SUMF1: variants seen among roughly 807,000 people sequenced by gnomAD.
SUMF1 encodes formylglycine-generating enzyme.
Under a neutral mutation model 47.6 loss-of-function variants are expected in SUMF1, and 48 were observed. That is an observed-to-expected ratio of 1.01 (90% CI 0.80 to 1.28). SUMF1 has a LOEUF of 1.28. Among genes scored for constraint, SUMF1 ranks in the 50% most tolerant of loss-of-function variants. The pLI, the probability that SUMF1 is intolerant of heterozygous loss-of-function variation, is 0.00. For missense variants in SUMF1, 571 were observed against 485.4 expected, an observed-to-expected ratio of 1.18 and a Z score of -1.66; for synonymous variants, 230 against 192.1, an observed-to-expected ratio of 1.20 and a Z score of -1.63.
At chr3:4,037,528 T>G (rs1276221368) in intron 9 of SUMF1, among the ~76,000 whole-genome samples, 3 of 152,216 alleles carry the variant, frequency 2.0e-5, no homozygotes, top group Non-Finnish European at 4.4e-5. Flanking sequence ...TTTTTTATAC[T>G]GGCATTTTCA....
chr3:4,044,205 G>A (rs896017645), intron 9 of SUMF1, among the ~76,000 whole-genome samples: 4 of 152,158 alleles, frequency 2.6e-5, no homozygotes, highest in Admixed American at 2.0e-4. Flanking sequence ...GCACCCAAGA[G>A]CTGACATTCA....
chr3:4,289,068 C>T (rs1405693650), intron 8 of SUMF1, among the ~76,000 whole-genome samples: 1 of 152,194 alleles, frequency 6.6e-6, no homozygotes, highest in African/African-American at 2.4e-5. Flanking sequence ...GCAGTAATGC[C>T]ATCACATTCA....
At chr3:4,110,457 T>G (rs1276571508) in intron 8 of SUMF1, among the ~76,000 whole-genome samples, 1 of 151,994 alleles carries the variant, frequency 6.6e-6, no homozygotes, top group Non-Finnish European at 1.5e-5. Context: ...GATCTAGAAC[T>G]AGAAATACCA....
chr3:4,152,873 A>G lies in SUMF1; in HGVS notation c.1015-84128T>C, dbSNP rs574614046. On this transcript the variant is annotated intron_variant and NMD_transcript_variant, in intron 8 of 12. Transcript: ENST00000448413. Reference sequence around the variant, plus strand: ...GTTACTGATGGACTCATGGATAGACAGAAGAAAACATTTTCAGAATACCTT... The same window carrying G: ...GTTACTGATGGACTCATGGATAGACGGAAGAAAACATTTTCAGAATACCTT... 2.2e-3 allele frequency among the ~76,000 whole-genome samples: 336 copies of G among 151,668 alleles called. 16 individuals are homozygous for G. The highest frequency in any genetic ancestry group is 7.7e-3 in the African/African-American group (314 of 40,938).
rs1433333109 is a variant in SUMF1, at chr3:4,321,494, GAAAA to G, written c.1014+54832_1014+54835del. ...CTAAAAAAAAAAAAAAAAAAAAAAA[GAAAA>G]AGAAAGAAACCTACATTGATGGGGG... On this transcript the variant is annotated intron_variant and NMD_transcript_variant, in intron 8 of 12. Coordinates refer to the SUMF1 transcript ENST00000448413. Among the ~76,000 whole-genome samples the G allele has an allele frequency of 4.7e-5, 5 of 106,398 alleles. No homozygotes were observed. The East Asian group carries it at 8.0e-4, about 17-fold the overall frequency. The allele number at this position is 106,398 out of a possible 152,430, so 69.8% of individuals were successfully genotyped here. A position where few individuals can be genotyped will look rare whatever the true frequency, so the allele number is the denominator to read the frequency against.
At chr3:4,393,036 G>C (rs950416425) in intron 7 of SUMF1, among the ~76,000 whole-genome samples, 11 of 152,080 alleles carry the variant, frequency 7.2e-5, no homozygotes, top group African/African-American at 2.4e-4. Context: ...GGGCTCTCTT[G>C]GGTCTTCCCT....
At chr3:4,179,189 A>G (rs967442694) in intron 8 of SUMF1, among the ~76,000 whole-genome samples, 3 of 152,206 alleles carry the variant, frequency 2.0e-5, no homozygotes, top group Non-Finnish European at 2.9e-5. Context: ...AAACTACTTT[A>G]AAGTTCATAT....
At chr3:4,263,104 T>G (rs141205602) in intron 8 of SUMF1, among the ~76,000 whole-genome samples, 1 of 152,182 alleles carries the variant, frequency 6.6e-6, no homozygotes, top group Non-Finnish European at 1.5e-5. Flanking sequence ...CAATGCTTAG[T>G]TCTAAATAAA....
chr3:4,280,001 A>G (rs1192509422), intron 8 of SUMF1, among the ~76,000 whole-genome samples: 1 of 152,138 alleles, frequency 6.6e-6, no homozygotes, highest in Non-Finnish European at 1.5e-5. Flanking sequence ...TTTAGTAAAA[A>G]CATATACATA....
intron 8 of SUMF1, chr3:4,314,225 C>T (rs1255644189): frequency 6.1e-6 from 1 of 163,886 alleles, no homozygotes; most frequent in East Asian, 1.8e-4. Context: ...GATCTGACAC[C>T]TTTGTACTTT....
At chr3:4,215,158 G>A (rs1245359460) in intron 8 of SUMF1, among the ~76,000 whole-genome samples, 1 of 152,142 alleles carries the variant, frequency 6.6e-6, no homozygotes, top group Non-Finnish European at 1.5e-5. Context: ...ATAAAATACT[G>A]GCAAACCAAA....
chr3:4,135,677 G>A (rs1489908291), intron 8 of SUMF1, among the ~76,000 whole-genome samples: 1 of 152,174 alleles, frequency 6.6e-6, no homozygotes, highest in African/African-American at 2.4e-5. Context: ...AAATGAGGAA[G>A]TCAAATTGTC....
intron 8 of SUMF1, among the ~76,000 whole-genome samples, chr3:4,207,613 G>A (rs1695681258): frequency 6.6e-6 from 1 of 152,118 alleles, no homozygotes; most frequent in Non-Finnish European, 1.5e-5. Context: ...TACACTAACT[G>A]ATTTTGGGTT....
chr3:4,227,822 T>C (rs1696207580), intron 8 of SUMF1, among the ~76,000 whole-genome samples: 1 of 152,180 alleles, frequency 6.6e-6, no homozygotes, highest in African/African-American at 2.4e-5. Flanking sequence ...GCTCCATCCC[T>C]GGGCTCCCTG....
chr3:4,149,892 A>G (rs747460877), intron 8 of SUMF1, among the ~76,000 whole-genome samples: 2 of 152,154 alleles, frequency 1.3e-5, no homozygotes, highest in Non-Finnish European at 2.9e-5. Flanking sequence ...TTTACTTGTT[A>G]TAAGAAATGC....
At chr3:4,169,836 G>A (rs571012188) in intron 8 of SUMF1, among the ~76,000 whole-genome samples, 1 of 152,288 alleles carries the variant, frequency 6.6e-6, no homozygotes, top group South Asian at 2.1e-4. Context: ...ACTAGCTGGA[G>A]AGAGATGAAC....
intron 8 of SUMF1, among the ~76,000 whole-genome samples, chr3:4,154,516 T>C (rs1397886135): frequency 6.6e-6 from 1 of 151,602 alleles, no homozygotes; most frequent in Non-Finnish European, 1.5e-5. Flanking sequence ...CTGGGGACTA[T>C]TATCTCTGTT....
At chr3:4,167,067 A>G (rs1694724164) in intron 8 of SUMF1, among the ~76,000 whole-genome samples, 1 of 152,086 alleles carries the variant, frequency 6.6e-6, no homozygotes. Flanking sequence ...TACCCCGGAT[A>G]AGCCCCCAAG....
chr3:4,218,324 A>G (rs1695985020), intron 8 of SUMF1, among the ~76,000 whole-genome samples: 1 of 152,128 alleles, frequency 6.6e-6, no homozygotes, highest in Non-Finnish European at 1.5e-5. Context: ...TGAAGCAAAA[A>G]TGGCAAAATG....
Sources: allele counts gnomAD v4.1 joint callset (sites outside exome capture counted in the v4.1 genomes callset), GRCh38; gene constraint gnomAD v4.1.1; transcripts MANE v1.5; gene names NCBI Gene and HGNC (gene_info 2026-07-23, HGNC 2026-07-21).